The following ELK3 variants were observed in gnomAD, a reference collection of about 807,000 sequenced individuals.
The protein encoded by ELK3 is ETS domain-containing protein Elk-3.
Under a neutral mutation model 28.9 loss-of-function variants are expected in ELK3, and 10 were observed. That is an observed-to-expected ratio of 0.35 (90% CI 0.21 to 0.59). The LOEUF is 0.59. ELK3 is among the 20% of genes least tolerant of loss of function. The probability of loss-of-function intolerance (pLI) is 0.82; values close to 1 mark genes in which losing one functional copy is unlikely to be tolerated. For missense variants in ELK3, 463 were observed against 517.3 expected (o/e 0.90, Z 1.02); for synonymous variants, 272 against 243.5 (o/e 1.12, Z -1.09).
chr12:96,230,775 A>T (rs1951735138), intron 2 of ELK3, among the ~76,000 whole-genome samples: 1 of 152,322 alleles, frequency 6.6e-6, no homozygotes, highest in Middle Eastern at 3.4e-3. Flanking sequence ...CTGTGCTCAG[A>T]GGCTCCTTCC....
chr12:96,228,398 CAG>C (rs1378713495), intron 2 of ELK3, among the ~76,000 whole-genome samples: 41 of 112,026 alleles, frequency 3.7e-4, no homozygotes, highest in African/African-American at 1.3e-3. Flanking sequence ...AGCCTGGCGA[CAG>C]AGTGAGACTC....
Position 96,210,597 on chromosome 12 carries a change from A to ACACACC in ELK3, c.-2-12967_-2-12966insACACCC, listed in dbSNP as rs1416746905. ...CACACACACACACACACACACACAC[A>ACACACC]CCCCGAGTGGGAGGTCCAGGGGCAC... On this transcript the variant is annotated intron_variant, in intron 1 of 4. Coordinates refer to ENST00000228741, the MANE Select transcript of ELK3 (RefSeq NM_005230.4). Among the ~76,000 whole-genome samples, 1,188 of 148,986 alleles carry ACACACC rather than the reference A, an allele frequency of 8.0e-3. 9 individuals carry two copies. The highest frequency in any genetic ancestry group is 0.019 in the African/African-American group (753 of 40,456).
At chr12:96,236,466 C>T (rs1324374916) in intron 2 of ELK3, among the ~76,000 whole-genome samples, 1 of 152,218 alleles carries the variant, frequency 6.6e-6, no homozygotes, top group African/African-American at 2.4e-5. Context: ...GAAACCTCAA[C>T]CCAAACCACA....
chr12:96,211,487 T>TTGTGTGTG (rs201554119), intron 1 of ELK3, among the ~76,000 whole-genome samples: 2 of 54,458 alleles, frequency 3.7e-5, no homozygotes, highest in African/African-American at 9.6e-5. Flanking sequence ...CATTGTGTGT[T>TTGTGTGTG]TGTGTGTGTG....
intron 4 of ELK3, 53 bp from the exon 5 acceptor site, chr12:96,267,029 T>G: frequency 1.3e-6 from 2 of 1,503,256 alleles, no homozygotes; most frequent in South Asian, 1.2e-5. Context: ...AGAACCTAAG[T>G]TCTTCCCAAT....
rs781432909 is a variant in ELK3 at position 96,247,358 on chromosome 12, C to T, written c.626C>T (p.Ala209Val). Residue 209 changes from alanine to valine, a missense_variant, in exon 3 of 5, where the codon GCG (alanine) becomes GTG (valine). This residue lies in a region of ELK3 where 408 missense variants were observed against 414.8 expected (regional missense o/e 0.98). Transcript: ENST00000228741. This position sits in a 1 kb window ranked among gnomAD's most constrained non-coding sequence, Gnocchi z 5.5. ...CTGCCTTCCACGTCAGAGGCTGCGG[C>T]GGCGTCCGCCTTCCTGGCCTCGTCC... ...VSLPSTSEAA[A>V]ASAFLASSVS... 3.8e-5 allele frequency: 62 copies of T among 1,614,058 alleles called. No homozygotes were observed. Among genetic ancestry groups the T allele is most frequent in the South Asian group, 1.5e-4 (14 of 91,078 alleles).
intron 4 of ELK3, among the ~76,000 whole-genome samples, chr12:96,264,369 T>C (rs2137046120): frequency 6.6e-6 from 1 of 152,180 alleles, no homozygotes; most frequent in Non-Finnish European, 1.5e-5. Context: ...TAGAAGACAT[T>C]TTAGAGGTGA....
At chr12:96,256,124 A>T (rs537085453) in intron 3 of ELK3, among the ~76,000 whole-genome samples, 1 of 152,312 alleles carries the variant, frequency 6.6e-6, no homozygotes, top group Admixed American at 6.5e-5. Context: ...GGGAGACCGG[A>T]GGCAGGTGGA....
chr12:96,195,200 A>G (rs948841022), intron 1 of ELK3, among the ~76,000 whole-genome samples: 1 of 151,932 alleles, frequency 6.6e-6, no homozygotes, highest in East Asian at 1.9e-4. Flanking sequence ...CGAGTGGGCA[A>G]AGTGCACTGG....
intron 2 of ELK3, among the ~76,000 whole-genome samples, chr12:96,232,110 A>G (rs1379208700): frequency 6.6e-6 from 1 of 152,220 alleles, no homozygotes; most frequent in African/African-American, 2.4e-5. Context: ...GGATATACCA[A>G]GAAGGGAACA....
intron 4 of ELK3, among the ~76,000 whole-genome samples, chr12:96,263,314 CAAAG>C (rs1216336144): frequency 6.6e-6 from 1 of 152,108 alleles, no homozygotes; most frequent in African/African-American, 2.4e-5. Flanking sequence ...TAAATGTAAA[CAAAG>C]AACCTTGATT....
Position 96,263,530 on chromosome 12 carries a change from T to C in ELK3, c.1126-3552T>C, listed in dbSNP as rs138076066. 3.3e-3 allele frequency among the ~76,000 whole-genome samples: 499 copies of C among 152,314 alleles called. 4 individuals carry two copies. Among genetic ancestry groups the C allele is most frequent in the African/African-American group, 0.011 (476 of 41,562 alleles). On this transcript the variant is annotated intron_variant, in intron 4 of 4. Coordinates refer to ENST00000228741, the MANE Select transcript of ELK3 (RefSeq NM_005230.4). The stretch of plus-strand genomic sequence containing the variant: ...GCTGTAATTTTTAGTTCAACAAATC[T>C]AACCCCAGCAAATATTTGCAATGCT...
chr12:96,258,580 C>A (rs10745751), intron 3 of ELK3, among the ~76,000 whole-genome samples: 45,089 of 152,112 alleles, frequency 0.3, 7,027 homozygotes, highest in East Asian at 0.58. Context: ...CACAAAGCAC[C>A]TTATTGACAT....
At chr12:96,223,049 A>G (rs1266974959) in intron 1 of ELK3, among the ~76,000 whole-genome samples, 3 of 152,278 alleles carry the variant, frequency 2.0e-5, no homozygotes, top group South Asian at 4.2e-4. Context: ...AGATGGTGCT[A>G]AACCATTCAT....
chr12:96,241,240 C>T (rs1455800055), intron 2 of ELK3, among the ~76,000 whole-genome samples: 1 of 152,188 alleles, frequency 6.6e-6, no homozygotes, highest in Non-Finnish European at 1.5e-5. Flanking sequence ...ATTTAATTAA[C>T]TCATTTAAAT....
At chr12:96,266,534 T>G (rs1393055320) in intron 4 of ELK3, among the ~76,000 whole-genome samples, 1 of 152,202 alleles carries the variant, frequency 6.6e-6, no homozygotes, top group African/African-American at 2.4e-5. Flanking sequence ...ATATTTTAAT[T>G]AGAATACTTT....
intron 4 of ELK3, among the ~76,000 whole-genome samples, chr12:96,263,766 TCAGGAAGGGAC>T (rs1442808812): frequency 6.6e-6 from 1 of 152,172 alleles, no homozygotes; most frequent in African/African-American, 2.4e-5. Flanking sequence ...GAGAGTCTGT[TCAGGAAGGGAC>T]CAGGTGATAG....
intron 3 of ELK3, among the ~76,000 whole-genome samples, chr12:96,252,372 C>G (rs1951913971): frequency 6.6e-6 from 1 of 151,676 alleles, no homozygotes; most frequent in African/African-American, 2.4e-5. Flanking sequence ...ACTTTCAAGT[C>G]TTATTACTTA....
intron 2 of ELK3, chr12:96,224,099 T>A (rs546337684): frequency 6.2e-4 from 171 of 276,690 alleles, no homozygotes; most frequent in Admixed American, 1.7e-3. Flanking sequence ...ACAATGCGTG[T>A]TAAAATCCGG....
Sources: allele counts gnomAD v4.1 joint callset (sites outside exome capture counted in the v4.1 genomes callset), GRCh38; gene constraint gnomAD v4.1.1; regional missense constraint gnomAD v4.1.1; non-coding constraint Gnocchi (gnomAD v3.1); transcripts MANE v1.5; gene names NCBI Gene and HGNC (gene_info 2026-07-23, HGNC 2026-07-21).